Variants in ELP4 observed in about 807,000 individuals in gnomAD.
The protein encoded by ELP4 is elongator complex protein 4.
A neutral mutation model predicts 48.9 loss-of-function variants in ELP4; 51 were observed. That is an observed-to-expected ratio of 1.04 (90% CI 0.83 to 1.32). The LOEUF is 1.32. Ranked by LOEUF, ELP4 falls within the 40% of genes most tolerant of loss-of-function variation. The pLI, the probability that ELP4 is intolerant of heterozygous loss-of-function variation, is 0.00. For missense variants in ELP4, 519 were observed against 514.6 expected, an observed-to-expected ratio of 1.01 and a Z score of -0.08; for synonymous variants, 210 against 189.2, an observed-to-expected ratio of 1.11 and a Z score of -0.90.
At chr11:31,654,422 G>C (rs1294640657) in intron 9 of ELP4, 1 of 151,712 alleles carries the variant, frequency 6.6e-6, no homozygotes, top group African/African-American at 2.4e-5. Context: ...TAGGACCTCA[G>C]TACCTCTCCA....
chr11:31,581,720 C>G (rs1225586526), intron 3 of ELP4, among the ~76,000 whole-genome samples: 1 of 150,742 alleles, frequency 6.6e-6, no homozygotes, highest in Non-Finnish European at 1.5e-5. Flanking sequence ...AACTATTCCT[C>G]TAAATGTTTT....
At position 31,617,590 on chromosome 11, in the gene ELP4, A is replaced by G. The variant is rs576971768; in HGVS notation, c.654-9520A>G. 2.6e-5 allele frequency among the ~76,000 whole-genome samples: 4 copies of G among 152,184 alleles called. No homozygotes were observed. The East Asian group carries it at 7.7e-4, about 29-fold the overall frequency. Reference sequence around the variant, plus strand: ...TTTATGTTATATGGGTTTTTTAACCACAATTAAAAAGAAAAATGGGGAAAA... The same window carrying G: ...TTTATGTTATATGGGTTTTTTAACCGCAATTAAAAAGAAAAATGGGGAAAA... On this transcript the variant is annotated intron_variant, in intron 5 of 9. Transcript: ENST00000640961.
chr11:31,715,201 T>C (rs1946820247), intron 9 of ELP4: 3 of 159,300 alleles, frequency 1.9e-5, no homozygotes, highest in Admixed American at 6.5e-5. Context: ...AAATTAAAAT[T>C]GTACAACCAA....
At chr11:31,534,266 G>GGTGTGT (rs61054150) in intron 2 of ELP4, among the ~76,000 whole-genome samples, 16,825 of 148,148 alleles carry the variant, frequency 0.11, 1,003 homozygotes, top group East Asian at 0.21. Context: ...GAGGTGGATT[G>GGTGTGT]GTGTGTGTGT....
chr11:31,643,813 A>C (rs536357866), intron 7 of ELP4, among the ~76,000 whole-genome samples: 144 of 151,918 alleles, frequency 9.5e-4, no homozygotes, highest in Non-Finnish European at 1.6e-3. Flanking sequence ...GAACAGTCAA[A>C]ACAAATACTC....
At chr11:31,544,052 A>C (rs984647573) in intron 3 of ELP4, among the ~76,000 whole-genome samples, 59 of 152,236 alleles carry the variant, frequency 3.9e-4, no homozygotes, top group Non-Finnish European at 6.3e-4. Flanking sequence ...GCTCCGGTCT[A>C]CAGCTCCCAG....
chr11:31,626,891 A>G (rs1050918877), intron 5 of ELP4, among the ~76,000 whole-genome samples: 3 of 151,912 alleles, frequency 2.0e-5, no homozygotes, highest in African/African-American at 7.2e-5. Flanking sequence ...TTATCTTCCT[A>G]TGATGTCAGG....
At chr11:31,779,339 T>C (rs1042128695) in intron 9 of ELP4, among the ~76,000 whole-genome samples, 1 of 152,234 alleles carries the variant, frequency 6.6e-6, no homozygotes, top group African/African-American at 2.4e-5. Context: ...ATTCATTATC[T>C]TGCCCCTTCT....
intron 3 of ELP4, among the ~76,000 whole-genome samples, chr11:31,544,963 T>G (rs1286171187): frequency 6.6e-6 from 1 of 152,040 alleles, no homozygotes; most frequent in Non-Finnish European, 1.5e-5. Context: ...GAAGGAAAAC[T>G]AACAAACAGA....
intron 9 of ELP4, among the ~76,000 whole-genome samples, chr11:31,725,457 T>G (rs1947056464): frequency 6.6e-6 from 1 of 152,192 alleles, no homozygotes; most frequent in Non-Finnish European, 1.5e-5. Flanking sequence ...CCCTTCTCTC[T>G]GCCCTGCCAT....
intron 9 of ELP4, among the ~76,000 whole-genome samples, chr11:31,751,979 C>T (rs1267729518): frequency 2.6e-5 from 4 of 152,104 alleles, no homozygotes; most frequent in Non-Finnish European, 5.9e-5. Context: ...CTTGTAAAAG[C>T]TGTGTAAGAA....
At chr11:31,558,214 A>G (rs1257320496) in intron 3 of ELP4, among the ~76,000 whole-genome samples, 1 of 151,790 alleles carries the variant, frequency 6.6e-6, no homozygotes, top group East Asian at 1.9e-4. Context: ...AGTCACAGTT[A>G]GAGCTTCTTT....
chr11:31,677,534 T>G (rs1030019959), intron 9 of ELP4, among the ~76,000 whole-genome samples: 1 of 152,176 alleles, frequency 6.6e-6, no homozygotes, highest in Non-Finnish European at 1.5e-5. Context: ...GACCTCTGCT[T>G]TATATTATGT....
chr11:31,763,262 A>G (rs1401882049), intron 9 of ELP4: 5 of 534,230 alleles, frequency 9.4e-6, no homozygotes, highest in Non-Finnish European at 1.5e-5. Context: ...TTTGTTGCAA[A>G]TATTTAGGAT....
At chr11:31,778,222 G>A (rs1199528260) in intron 9 of ELP4, among the ~76,000 whole-genome samples, 2 of 152,292 alleles carry the variant, frequency 1.3e-5, no homozygotes, top group East Asian at 3.9e-4. Context: ...TGGCCCAGAA[G>A]CCAGGCATCT....
chr11:31,678,541 G>GTA (rs771176089), intron 9 of ELP4, among the ~76,000 whole-genome samples: 2 of 71,310 alleles, frequency 2.8e-5, no homozygotes, highest in African/African-American at 1.9e-4. Flanking sequence ...GTGTGTGTGT[G>GTA]TATATGTGCA....
intron 9 of ELP4, chr11:31,662,960 C>G (rs1171457443): frequency 5.9e-6 from 1 of 169,042 alleles, no homozygotes; most frequent in Admixed American, 6.3e-5. Flanking sequence ...TTAGGGGCAC[C>G]TCATTTCAGT....
At chr11:31,720,394 C>A (rs1946936298) in intron 9 of ELP4, among the ~76,000 whole-genome samples, 2 of 151,786 alleles carry the variant, frequency 1.3e-5, no homozygotes, top group Admixed American at 1.3e-4. Context: ...CTGCCCAGTC[C>A]CAAGATAGTT....
At chr11:31,759,393 A>G (rs967132187) in intron 9 of ELP4, among the ~76,000 whole-genome samples, 11 of 152,244 alleles carry the variant, frequency 7.2e-5, no homozygotes, top group Non-Finnish European at 1.5e-5. Flanking sequence ...TGGAGCACCT[A>G]TGCTAACATT....
Sources: gnomAD v4.1 joint callset for allele counts (sites outside exome capture counted in the v4.1 genomes callset) on GRCh38, gnomAD v4.1.1 for gene constraint, MANE v1.5 for transcripts, NCBI Gene and HGNC (gene_info 2026-07-23, HGNC 2026-07-21) for gene names.